The following KBTBD4 variants were observed in gnomAD, a reference collection of about 807,000 sequenced individuals.
KBTBD4 encodes the protein kelch repeat and BTB domain-containing protein 4.
A neutral mutation model predicts 43.9 loss-of-function variants in KBTBD4; 30 were observed. The ratio of observed to expected loss-of-function variants is 0.68; its 90% confidence interval spans 0.51 to 0.93. KBTBD4 has a LOEUF of 0.93. Ranked by LOEUF, KBTBD4 falls within the 40% of genes least tolerant of loss-of-function variation. KBTBD4 has a pLI of 0.00. For missense variants in KBTBD4, 575 were observed against 668.8 expected, an observed-to-expected ratio of 0.86 and a Z score of 1.55; for synonymous variants, 258 against 256.9, an observed-to-expected ratio of 1.00 and a Z score of -0.04.
chr11:47,578,341 C>G, intron 1 of KBTBD4: 1 of 573,638 alleles, frequency 1.7e-6, no homozygotes, highest in South Asian at 2.3e-5. Context: ...TATATGAAAG[C>G]AAAGGGCTGG....
intron 3 of KBTBD4, among the ~76,000 whole-genome samples, chr11:47,574,511 A>G (rs536814224): frequency 6.6e-6 from 1 of 152,102 alleles, no homozygotes; most frequent in South Asian, 2.1e-4. Context: ...ACAAACAAAC[A>G]AAACAAAACA....
chr11:47,577,219 C>G (rs1463742061), intron 2 of KBTBD4, among the ~76,000 whole-genome samples, 192 bp downstream of exon 2: 3 of 152,188 alleles, frequency 2.0e-5, no homozygotes, highest in African/African-American at 7.2e-5. Flanking sequence ...TCCTCTAACG[C>G]ACTGTGTCTC....
intron 2 of KBTBD4, chr11:47,576,660 G>A (rs1161646699): frequency 6.6e-6 from 1 of 150,618 alleles, no homozygotes; most frequent in Non-Finnish European, 1.5e-5. Context: ...AACCTACTAA[G>A]CTACAGAGCT....
intron 3 of KBTBD4, among the ~76,000 whole-genome samples, chr11:47,574,527 C>G (rs1311448759): frequency 6.6e-6 from 1 of 151,966 alleles, no homozygotes; most frequent in Non-Finnish European, 1.5e-5. Flanking sequence ...AAACAAAAAA[C>G]AGAGACGACC....
rs2153794167 is a variant in KBTBD4, at chr11:47,576,408, A to C, written c.638-709T>G. ...TGATCTGCCCGCCTCGGCCTCCCAA[A>C]GTGCTGGGATTACAGGCGTGAGCCA... On this transcript the variant is annotated intron_variant, in intron 2 of 3. Coordinates refer to ENST00000430070, the MANE Select transcript of KBTBD4 (RefSeq NM_018095.6). 3 of 151,824 alleles carry C rather than the reference A, an allele frequency of 2.0e-5. No individual in the cohort carries two copies. In the South Asian group the frequency reaches 6.2e-4, roughly 32 times the overall value. The allele number at this position is 151,824 out of a possible 1,614,324, so 9.4% of individuals were successfully genotyped here.
At position 47,573,812 on chromosome 11, in the gene KBTBD4, T is replaced by G; in HGVS notation, c.745-22A>C. ...TTTCCTATTGGCAAAATTAAAATTATATGACAGCTGTTAAATTCTAGGCTA... is the reference window on the plus strand; with the variant it reads ...TTTCCTATTGGCAAAATTAAAATTAGATGACAGCTGTTAAATTCTAGGCTA... On this transcript the variant is annotated intron_variant, in intron 3 of 3. Coordinates refer to ENST00000430070, the MANE Select transcript of KBTBD4 (RefSeq NM_018095.6). This position sits in a 1 kb window ranked among gnomAD's most constrained non-coding sequence, Gnocchi z 4.1. The G allele has an allele frequency of 6.4e-7, 1 of 1,554,894 alleles. No individual in the cohort carries two copies. Among genetic ancestry groups the G allele is most frequent in the Non-Finnish European group, 8.7e-7 (1 of 1,152,144 alleles).
rs2097265536 is a variant in KBTBD4, at chr11:47,578,847, C to G, written c.19+86G>C. On this transcript the variant is annotated intron_variant, in intron 1 of 3. Transcript: ENST00000430070. ...TCTCACCCGCCTGGTTCTTCAGCGT[C>G]CTCGCCTTCTCTCTAGGCTCTGCCA... 3.9e-6 allele frequency: 6 copies of G among 1,549,646 alleles called. No homozygotes were observed. In the Admixed American group the frequency reaches 9.8e-5, roughly 25 times the overall value.
In KBTBD4 at chr11:47,578,963, G is replaced by A. The variant is rs1288262943; in HGVS notation, c.-12C>T. 2 of 1,551,670 alleles carry A rather than the reference G, an allele frequency of 1.3e-6. No individual in the cohort carries two copies. The highest frequency in any genetic ancestry group is 1.7e-6 in the Non-Finnish European group (2 of 1,147,014). On this transcript the variant is annotated 5_prime_UTR_variant, in exon 1 of 4. Coordinates refer to ENST00000430070, the MANE Select transcript of KBTBD4 (RefSeq NM_018095.6). ...TTCCCTCCTTTCATCCCGGAGCCCG[G>A]AACCTCCGCTTCCGGCTCCACGTCC...
chr11:47,575,734 A>G (rs763415904), intron 2 of KBTBD4, 35 bp from the exon 3 acceptor site: 2 of 1,357,576 alleles, frequency 1.5e-6, no homozygotes, highest in Admixed American at 4.2e-5. Context: ...GGTCAATGAC[A>G]ATCCGAAAGA....
Position 47,577,800 on chromosome 11 carries a change from C to T in KBTBD4, c.248G>A (p.Ser83Asn), listed in dbSNP as rs2097262936. 6.2e-7 allele frequency: 1 copy of T among 1,614,184 alleles called. No homozygotes were observed. The highest frequency in any genetic ancestry group is 8.5e-7 in the Non-Finnish European group (1 of 1,180,040). Residue 83 changes from serine to asparagine, a missense_variant, in exon 2 of 4, where the codon AGC becomes AAC. Ser to Asn is a conservative substitution (Grantham distance 46, BLOSUM62 1). Transcript: ENST00000430070. Reference protein sequence around the residue: ...QLHRLVLSAQSCFFRSMFTSN... With the variant: ...QLHRLVLSAQNCFFRSMFTSN... ...AGTGAACATGGATCGGAAGAAGCAGCTCTGAGCTGAGAGGACCAGCCGATG... is the reference window on the plus strand; with the variant it reads ...AGTGAACATGGATCGGAAGAAGCAGTTCTGAGCTGAGAGGACCAGCCGATG...
Position 47,572,926 on chromosome 11 carries a change from A to G in KBTBD4, c.*4T>C. On this transcript the variant is annotated 3_prime_UTR_variant, in exon 4 of 4. Coordinates refer to ENST00000430070, the MANE Select transcript of KBTBD4 (RefSeq NM_018095.6). ...TGAGCAGTTCTCCTCCCCTCCCCAC[A>G]GCCTTAGGCCAACACAAACTGCAAA... 1 of 1,607,270 alleles carries G rather than the reference A, an allele frequency of 6.2e-7. No individual in the cohort carries two copies. The highest frequency in any genetic ancestry group is 8.5e-7 in the Non-Finnish European group (1 of 1,174,992).
chr11:47,575,520 AAG>A, intron 3 of KBTBD4, 71 bp downstream of exon 3: 2 of 1,014,628 alleles, frequency 2.0e-6, no homozygotes, highest in South Asian at 1.4e-5. Context: ...AAAAAAAAAA[AAG>A]AGGCCAAATT....
Position 47,573,927 on chromosome 11 carries a change from C to A in KBTBD4, c.745-137G>T. ...CTACTCTCTAATTACTGTATGGCATCCAACTCTCCTCTAGTCACTTTCTTT... is the reference window on the plus strand; with the variant it reads ...CTACTCTCTAATTACTGTATGGCATACAACTCTCCTCTAGTCACTTTCTTT... On this transcript the variant is annotated intron_variant, in intron 3 of 3. Transcript: ENST00000430070. The surrounding 1 kb of genome is among the most constrained non-coding windows in gnomAD (Gnocchi z 4.1). 2.6e-6 allele frequency: 2 copies of A among 772,120 alleles called. No homozygotes were observed. The highest frequency in any genetic ancestry group is 1.9e-5 in the South Asian group (1 of 53,784). 47.8% of individuals were successfully genotyped at this position (772,120 alleles called of 1,614,324 possible).
In KBTBD4 at chr11:47,573,140, G is replaced by A. The variant is rs764908495; in HGVS notation, c.1395C>T (p.Asp465=). The change falls in exon 4 of 4, where the codon GAC becomes GAT. Residue 465 remains aspartate, a synonymous_variant. Coordinates refer to ENST00000430070, the MANE Select transcript of KBTBD4 (RefSeq NM_018095.6). This position sits in a 1 kb window ranked among gnomAD's most constrained non-coding sequence, Gnocchi z 4.1. ...DSLVCYNPLL[D]SFTRLCLPEA... ...CAGGAAGGCAAAGCCGGGTGAAGCTGTCTAGCAAGGGATTGTAGCACACCA... is the reference window on the plus strand; with the variant it reads ...CAGGAAGGCAAAGCCGGGTGAAGCTATCTAGCAAGGGATTGTAGCACACCA... The A allele has an allele frequency of 3.7e-6, 6 of 1,614,228 alleles. No homozygotes were observed. Among genetic ancestry groups the A allele is most frequent in the Non-Finnish European group, 4.2e-6 (5 of 1,180,044 alleles).
At chr11:47,578,788 G>T in intron 1 of KBTBD4, 145 bp downstream of exon 1, 2 of 1,533,124 alleles carry the variant, frequency 1.3e-6, no homozygotes, top group Non-Finnish European at 1.8e-6. Flanking sequence ...GGGGTGTGTA[G>T]CGTAGAACCC....
At chr11:47,578,628 C>G (rs2097265005) in intron 1 of KBTBD4, 1 of 760,508 alleles carries the variant, frequency 1.3e-6, no homozygotes. Flanking sequence ...TGAGTCCATC[C>G]GCCCCCAGGC....
chr11:47,576,984 C>T (rs1165276118), intron 2 of KBTBD4, among the ~76,000 whole-genome samples: 6 of 152,124 alleles, frequency 3.9e-5, no homozygotes, highest in African/African-American at 1.4e-4. Context: ...GCCAACCTCA[C>T]ACCTTAAGTA....
intron 1 of KBTBD4, chr11:47,578,467 G>T: frequency 1.7e-6 from 1 of 590,934 alleles, no homozygotes; most frequent in Admixed American, 3.4e-5. Context: ...CTAGTGGCCA[G>T]GTCCTCTCCT....
rs978922805 is a variant in KBTBD4, at chr11:47,577,835, C to T, written c.213G>A (p.Glu71=). Residue 71 remains glutamate, a synonymous_variant, in exon 2 of 4, where the codon GAG becomes GAA. Coordinates refer to ENST00000430070, the MANE Select transcript of KBTBD4 (RefSeq NM_018095.6). The stretch of plus-strand genomic sequence containing the variant: ...AGAGGACCAGCCGATGGAGCTGAAA[C>T]TCCCGGCCTTCCACCGAAATGGTGA... ...ADVTISVEGR[E]FQLHRLVLSA... 6.2e-7 allele frequency: 1 copy of T among 1,614,162 alleles called. No homozygotes were observed. The highest frequency in any genetic ancestry group is 8.5e-7 in the Non-Finnish European group (1 of 1,180,032).
Sources: allele counts gnomAD v4.1 joint callset (sites outside exome capture counted in the v4.1 genomes callset), GRCh38; gene constraint gnomAD v4.1.1; non-coding constraint Gnocchi (gnomAD v3.1); transcripts MANE v1.5; gene names NCBI Gene and HGNC (gene_info 2026-07-23, HGNC 2026-07-21).